RARB: variants seen among roughly 807,000 people sequenced by gnomAD.
RARB encodes HBV-activated protein.
In RARB, 17 loss-of-function variants were observed where a neutral mutation model predicts 51.9. The ratio of observed to expected loss-of-function variants is 0.33; its 90% confidence interval spans 0.22 to 0.49. RARB has a LOEUF of 0.49. Among genes scored for constraint, RARB ranks in the 20% least tolerant of loss-of-function variants. The probability of loss-of-function intolerance (pLI) is 0.99; values close to 1 mark genes in which losing one functional copy is unlikely to be tolerated. For missense variants in RARB, 369 were observed against 550.8 expected (o/e 0.67, Z 3.30); for synonymous variants, 215 against 195.4 (o/e 1.10, Z -0.84).
In RARB at chr3:25,074,256, A is replaced by G. The variant is rs113061170; in HGVS notation, c.-328+14080A>G. On this transcript the variant is annotated intron_variant, in intron 3 of 11. Coordinates refer to the RARB transcript ENST00000383772. Reference sequence around the variant, plus strand: ...AAAAAGAATAGCTTTGTCCACAACTATTTACCAAGTCACAGTATGACCTGA... The same window carrying G: ...AAAAAGAATAGCTTTGTCCACAACTGTTTACCAAGTCACAGTATGACCTGA... 6.0e-3 allele frequency among the ~76,000 whole-genome samples: 915 copies of G among 152,320 alleles called. 4 individuals carry two copies. The highest frequency in any genetic ancestry group is 9.7e-3 in the Non-Finnish European group (663 of 68,024).
intron 2 of RARB, among the ~76,000 whole-genome samples, chr3:24,881,157 A>G (rs967236178): frequency 1.3e-5 from 2 of 152,132 alleles, no homozygotes; most frequent in South Asian, 2.1e-4. Flanking sequence ...GCCATGTAAG[A>G]TGTGCCTTGC....
intron 3 of RARB, among the ~76,000 whole-genome samples, chr3:25,103,832 T>C (rs1699449005): frequency 6.6e-6 from 1 of 152,232 alleles, no homozygotes; most frequent in African/African-American, 2.4e-5. Flanking sequence ...CCTTTTTCAT[T>C]CTTTCTGTGT....
At chr3:25,034,583 T>C (rs1697943663) in intron 2 of RARB, among the ~76,000 whole-genome samples, 1 of 152,194 alleles carries the variant, frequency 6.6e-6, no homozygotes, top group Non-Finnish European at 1.5e-5. Flanking sequence ...AAACTGGTTT[T>C]TATGGCTCAA....
At chr3:25,472,082 C>T (rs1260368614) in intron 2 of RARB, among the ~76,000 whole-genome samples, 1 of 152,208 alleles carries the variant, frequency 6.6e-6, no homozygotes. Flanking sequence ...CTTAGTGTTT[C>T]TAATGCATTT....
chr3:25,127,999 G>C (rs1314627269), intron 3 of RARB, among the ~76,000 whole-genome samples: 1 of 152,098 alleles, frequency 6.6e-6, no homozygotes, highest in Non-Finnish European at 1.5e-5. Flanking sequence ...CATCTGATAG[G>C]TTTCTAAGCT....
chr3:25,177,116 T>C (rs1559493622), intron 5 of RARB, among the ~76,000 whole-genome samples: 1 of 152,228 alleles, frequency 6.6e-6, no homozygotes, highest in Non-Finnish European at 1.5e-5. Context: ...CTTGTATTAT[T>C]ATTTCTTGCT....
intron 5 of RARB, among the ~76,000 whole-genome samples, chr3:25,177,399 C>G (rs1422567473): frequency 6.6e-6 from 1 of 152,156 alleles, no homozygotes; most frequent in Non-Finnish European, 1.5e-5. Context: ...GGTGGAAAAG[C>G]TGACCAACGT....
In RARB at chr3:25,115,287, C is replaced by T. The variant is rs972206607; in HGVS notation, c.-327-16874C>T. On this transcript the variant is annotated intron_variant, in intron 3 of 11. Coordinates refer to the RARB transcript ENST00000383772. ...TTTAACATAAATATTTAAAAAGCAT[C>T]GTGTTACCATTTAATTGGCAGTGTT... Among the ~76,000 whole-genome samples the T allele has an allele frequency of 3.3e-5, 5 of 152,250 alleles. No homozygotes were observed. In the East Asian group the frequency reaches 9.6e-4, roughly 29 times the overall value.
chr3:25,038,598 T>A (rs1300571575), intron 2 of RARB, among the ~76,000 whole-genome samples: 1 of 152,158 alleles, frequency 6.6e-6, no homozygotes, highest in Non-Finnish European at 1.5e-5. Context: ...AAAAATCACA[T>A]AAAAGTGCAA....
At chr3:25,209,847 C>T (rs1400829367) in intron 5 of RARB, among the ~76,000 whole-genome samples, 3 of 152,190 alleles carry the variant, frequency 2.0e-5, no homozygotes, top group Non-Finnish European at 2.9e-5. Context: ...AAATTTTGCA[C>T]CTGTCTGTCC....
chr3:25,212,482 G>T (rs769898347), intron 5 of RARB, among the ~76,000 whole-genome samples: 2 of 152,160 alleles, frequency 1.3e-5, no homozygotes, highest in Non-Finnish European at 2.9e-5. Flanking sequence ...GCCAAGCATG[G>T]TGGCACATGC....
intron 3 of RARB, among the ~76,000 whole-genome samples, chr3:25,063,478 A>G (rs1278826956): frequency 6.6e-6 from 1 of 152,058 alleles, no homozygotes; most frequent in African/African-American, 2.4e-5. Flanking sequence ...AAGCCAATTT[A>G]GTATTTATGG....
At chr3:25,174,283 C>A in exon 5 of RARB, 1 of 911,714 alleles carries the variant, frequency 1.1e-6, no homozygotes, top group Non-Finnish European at 1.5e-6. Context: ...GACTTTGGCC[C>A]AGAACACAGC....
intron 2 of RARB, among the ~76,000 whole-genome samples, chr3:24,891,129 A>G (rs1703369761): frequency 6.6e-6 from 1 of 152,210 alleles, no homozygotes; most frequent in East Asian, 1.9e-4. Context: ...TGAAATCCCA[A>G]ATGTAAAAAG....
intron 5 of RARB, among the ~76,000 whole-genome samples, chr3:25,377,445 G>A (rs1706500086): frequency 6.6e-6 from 1 of 152,190 alleles, no homozygotes; most frequent in African/African-American, 2.4e-5. Flanking sequence ...GCATGGCACT[G>A]TGTAGGTCAG....
intron 5 of RARB, among the ~76,000 whole-genome samples, chr3:25,177,023 G>A (rs543793212): frequency 1.3e-5 from 2 of 152,198 alleles, no homozygotes; most frequent in Non-Finnish European, 2.9e-5. Flanking sequence ...CTTAAAAGGT[G>A]TTTGGAGAAG....
chr3:25,274,890 C>T (rs990148981), intron 5 of RARB, among the ~76,000 whole-genome samples: 1 of 152,140 alleles, frequency 6.6e-6, no homozygotes, highest in Non-Finnish European at 1.5e-5. Context: ...GAAGTCACAT[C>T]ACCAAGCTCA....
At chr3:25,473,224 G>A (rs550414503) in intron 2 of RARB, among the ~76,000 whole-genome samples, 3 of 151,478 alleles carry the variant, frequency 2.0e-5, no homozygotes, top group East Asian at 3.9e-4. Flanking sequence ...TTCCACTTCA[G>A]AAAGGAAGAT....
intron 5 of RARB, among the ~76,000 whole-genome samples, chr3:25,380,982 C>T (rs1319662377): frequency 1.3e-5 from 2 of 152,080 alleles, no homozygotes; most frequent in Admixed American, 6.6e-5. Flanking sequence ...GTTATTTTTA[C>T]CGTTCTTCCT....
Sources: allele counts gnomAD v4.1 joint callset (sites outside exome capture counted in the v4.1 genomes callset), GRCh38; gene constraint gnomAD v4.1.1; transcripts MANE v1.5; gene names NCBI Gene and HGNC (gene_info 2026-07-23, HGNC 2026-07-21).